The following AUTS2 variants were observed in gnomAD, a reference collection of about 807,000 sequenced individuals.
AUTS2 encodes the protein autism susceptibility gene 2 protein.
AUTS2 carries 17 observed loss-of-function variants against 112.4 expected under a neutral mutation model. The observed-to-expected ratio is 0.15, with a 90% CI of 0.10 to 0.23. AUTS2 has a LOEUF of 0.23. AUTS2 is among the 10% of genes least tolerant of loss of function. AUTS2 has a pLI of 1.00. For missense variants in AUTS2, 1,510 were observed against 1,701.6 expected, an observed-to-expected ratio of 0.89 and a Z score of 1.98; for synonymous variants, 751 against 702.7, an observed-to-expected ratio of 1.07 and a Z score of -1.09.
At chr7:70,364,604 A>C (rs1792476734) in intron 4 of AUTS2, among the ~76,000 whole-genome samples, 1 of 149,138 alleles carries the variant, frequency 6.7e-6, no homozygotes, top group African/African-American at 2.5e-5. Flanking sequence ...TAAATAAATA[A>C]ATAAATAAAT....
At chr7:69,926,007 C>T (rs774975406) in intron 2 of AUTS2, among the ~76,000 whole-genome samples, 3 of 152,160 alleles carry the variant, frequency 2.0e-5, no homozygotes, top group Non-Finnish European at 2.9e-5. Context: ...AAACAAAACA[C>T]ACCTAGAAAC....
rs143144867 is a variant in AUTS2 at position 70,230,471 on chromosome 7, A to G, written c.660+95900A>G. On this transcript the variant is annotated intron_variant, in intron 4 of 18. Coordinates refer to ENST00000342771, the MANE Select transcript of AUTS2 (RefSeq NM_015570.4). ...GATTGGCTAGAGATTGTATCTAAAC[A>G]CTTAGAACCCCTAAATCACTGCCTT... Among the ~76,000 whole-genome samples, 3 of 152,310 alleles carry G rather than the reference A, an allele frequency of 2.0e-5. No individual in the cohort carries two copies. In the East Asian group the frequency reaches 5.8e-4, roughly 29 times the overall value.
At chr7:69,805,397 C>T (rs1001280981) in intron 1 of AUTS2, among the ~76,000 whole-genome samples, 11 of 152,178 alleles carry the variant, frequency 7.2e-5, no homozygotes, top group Middle Eastern at 3.4e-3. Flanking sequence ...ACAAATAATA[C>T]GCAGAGGCAG....
At chr7:69,939,774 G>A (rs1796552688) in intron 2 of AUTS2, among the ~76,000 whole-genome samples, 1 of 152,162 alleles carries the variant, frequency 6.6e-6, no homozygotes, top group African/African-American at 2.4e-5. Context: ...CAGAGCATGG[G>A]AACTTAGTAA....
intron 4 of AUTS2, among the ~76,000 whole-genome samples, chr7:70,303,414 A>G (rs991431575): frequency 3.0e-5 from 4 of 134,440 alleles, no homozygotes; most frequent in Admixed American, 7.3e-5. Flanking sequence ...GTGTGCACGC[A>G]CACACACACG....
At chr7:70,052,016 A>G (rs972028054) in intron 2 of AUTS2, among the ~76,000 whole-genome samples, 1 of 152,222 alleles carries the variant, frequency 6.6e-6, no homozygotes, top group Non-Finnish European at 1.5e-5. Context: ...ATTTGAAACT[A>G]GTGTCCTGTG....
At chr7:70,652,479 A>G (rs1031977119) in intron 5 of AUTS2, among the ~76,000 whole-genome samples, 6 of 152,308 alleles carry the variant, frequency 3.9e-5, no homozygotes, top group African/African-American at 1.4e-4. Flanking sequence ...TCAGATCATC[A>G]TTTCTGCTAA....
At chr7:69,638,086 A>G (rs1020986550) in intron 1 of AUTS2, among the ~76,000 whole-genome samples, 5 of 152,206 alleles carry the variant, frequency 3.3e-5, no homozygotes, top group African/African-American at 7.2e-5. Context: ...TGGTGCATTC[A>G]CAACTCACTG....
intron 4 of AUTS2, among the ~76,000 whole-genome samples, chr7:70,348,581 G>A (rs1032675269): frequency 1.6e-4 from 25 of 152,034 alleles, no homozygotes; most frequent in Non-Finnish European, 3.2e-4. Context: ...GAGGCGGGTG[G>A]ATCACAAGGT....
rs139318711 is a variant in AUTS2 at position 69,599,972 on chromosome 7, AC to A, written c.309+16del. ...TTTTGAAGCGCTGGAGGTAAGGGGG[AC>A]CCCCCTTCCCCCGGGTTCCCTTTAT... On this transcript the variant is annotated intron_variant, in intron 1 of 18. Transcript: ENST00000342771. This position sits in a 1 kb window ranked among gnomAD's most constrained non-coding sequence, Gnocchi z 7.0. 4.1e-3 allele frequency: 6,648 copies of A among 1,610,402 alleles called. 185 individuals carry two copies. The African/African-American group carries it at 0.066, about 16-fold the overall frequency.
intron 2 of AUTS2, among the ~76,000 whole-genome samples, chr7:69,962,741 GTGCATAAA>G (rs1301592240): frequency 2.0e-5 from 3 of 151,872 alleles, no homozygotes; most frequent in Admixed American, 6.6e-5. Context: ...TGCACAGCTC[GTGCATAAA>G]TGCCTGTGTG....
intron 5 of AUTS2, among the ~76,000 whole-genome samples, chr7:70,450,504 G>T (rs1449577407): frequency 2.6e-5 from 4 of 152,238 alleles, no homozygotes; most frequent in African/African-American, 9.6e-5. Flanking sequence ...AGAGAAGCAT[G>T]AAAACTTCTG....
intron 4 of AUTS2, among the ~76,000 whole-genome samples, chr7:70,181,899 G>A (rs541086285): frequency 1.4e-5 from 2 of 143,690 alleles, no homozygotes; most frequent in African/African-American, 2.6e-5. Context: ...CCAGGTTCAC[G>A]CCATTCTCCT....
chr7:70,698,662 G>A, intron 6 of AUTS2, 42 bp downstream of exon 6: 1 of 1,454,282 alleles, frequency 6.9e-7, no homozygotes, highest in African/African-American at 1.4e-5. Flanking sequence ...TTATTTTTAT[G>A]TTAGTTTCAT....
chr7:70,171,715 T>C (rs576109875), intron 4 of AUTS2, among the ~76,000 whole-genome samples: 2 of 152,194 alleles, frequency 1.3e-5, no homozygotes, highest in Non-Finnish European at 1.5e-5. Flanking sequence ...AAATAACATT[T>C]TCATTTGTTC....
chr7:70,455,921 G>C (rs1170893856), intron 5 of AUTS2, among the ~76,000 whole-genome samples: 2 of 152,180 alleles, frequency 1.3e-5, no homozygotes, highest in African/African-American at 4.8e-5. Context: ...TTGGGGTCAG[G>C]GAAACCTGTT....
At chr7:69,641,008 T>A (rs1583991203) in intron 1 of AUTS2, among the ~76,000 whole-genome samples, 4 of 152,294 alleles carry the variant, frequency 2.6e-5, no homozygotes, top group Admixed American at 2.6e-4. Flanking sequence ...GCAAGTGACC[T>A]AATAGCTAAT....
intron 5 of AUTS2, among the ~76,000 whole-genome samples, chr7:70,498,960 G>T (rs1798666751): frequency 6.6e-6 from 1 of 152,204 alleles, no homozygotes; most frequent in Non-Finnish European, 1.5e-5. Flanking sequence ...CATGGGGCTG[G>T]ACCGAACCTT....
At chr7:70,101,714 T>C (rs1022033486) in intron 2 of AUTS2, among the ~76,000 whole-genome samples, 4 of 151,594 alleles carry the variant, frequency 2.6e-5, no homozygotes, top group Non-Finnish European at 5.9e-5. Flanking sequence ...AAACAAAAAT[T>C]AAAGAAATAA....
Sources: allele counts gnomAD v4.1 joint callset (sites outside exome capture counted in the v4.1 genomes callset), GRCh38; gene constraint gnomAD v4.1.1; non-coding constraint Gnocchi (gnomAD v3.1); transcripts MANE v1.5; gene names NCBI Gene and HGNC (gene_info 2026-07-23, HGNC 2026-07-21).